The following CACNA1B variants were observed in gnomAD, a reference collection of about 807,000 sequenced individuals.
CACNA1B encodes the protein calcium voltage-gated channel subunit alpha1 B.
A neutral mutation model predicts 247.2 loss-of-function variants in CACNA1B; 70 were observed. The observed-to-expected ratio is 0.28, with a 90% confidence interval of 0.23 to 0.35. The LOEUF (loss-of-function observed/expected upper bound fraction) is 0.35. Ranked by LOEUF, CACNA1B falls within the 10% of genes least tolerant of loss-of-function variation. CACNA1B has a pLI of 1.00. For missense variants in CACNA1B, 2,367 were observed against 3,197.4 expected (o/e 0.74, Z 6.26); for synonymous variants, 1,231 against 1,294.4 (o/e 0.95, Z 1.05).
intron 6 of CACNA1B, among the ~76,000 whole-genome samples, chr9:137,921,074 C>G (rs964189157): frequency 1.3e-5 from 2 of 151,912 alleles, no homozygotes; most frequent in African/African-American, 4.8e-5. Flanking sequence ...GTACTTGACT[C>G]ATGGACAGTG....
intron 20 of CACNA1B, among the ~76,000 whole-genome samples, chr9:138,035,794 A>G (rs1959035364): frequency 6.6e-6 from 1 of 152,156 alleles, no homozygotes; most frequent in Admixed American, 6.5e-5. Flanking sequence ...CCAATTTATT[A>G]GTTGGATACT....
chr9:138,113,006 G>A (rs1032031944), intron 40 of CACNA1B, among the ~76,000 whole-genome samples: 3 of 150,302 alleles, frequency 2.0e-5, no homozygotes, highest in African/African-American at 7.4e-5. Context: ...AGACGTGAGG[G>A]AGCGCAGAGA....
intron 35 of CACNA1B, 116 bp downstream of exon 35, chr9:138,076,026 C>T: frequency 2.9e-6 from 2 of 691,054 alleles, no homozygotes; most frequent in Non-Finnish European, 5.2e-6. Context: ...ATTCCCCGAC[C>T]CCACTGGCTT....
At chr9:137,998,351 C>G (rs1485467770) in intron 15 of CACNA1B, among the ~76,000 whole-genome samples, 1 of 152,174 alleles carries the variant, frequency 6.6e-6, no homozygotes, top group Non-Finnish European at 1.5e-5. Context: ...TGGCTCATGC[C>G]TGTAATCCCA....
Position 137,892,100 on chromosome 9 carries a change from C to T in CACNA1B, c.530+9217C>T, listed in dbSNP as rs746157930. The T allele has an allele frequency of 1.3e-4, 60 of 457,040 alleles. No homozygotes were observed. The East Asian group carries it at 1.7e-3, about 13-fold the overall frequency. The allele number at this position is 457,040 out of a possible 1,614,324, so 28.3% of individuals were successfully genotyped here. A position where few individuals can be genotyped will look rare whatever the true frequency, so the allele number is the denominator to read the frequency against. On this transcript the variant is annotated intron_variant, in intron 3 of 46. Coordinates refer to ENST00000371372, the MANE Select transcript of CACNA1B (RefSeq NM_000718.4). ...GCCTCTCTTTGCCCTCCTCCCTCCC[C>T]GAGAAGTTTCCCTGCTGGCTCACCA...
intron 12 of CACNA1B, among the ~76,000 whole-genome samples, chr9:137,978,180 G>A (rs1298253077): frequency 1.4e-5 from 2 of 145,288 alleles, no homozygotes; most frequent in Non-Finnish European, 3.0e-5. Flanking sequence ...GGAGTGACAG[G>A]TGGGAGCATT....
rs150908419 is a variant in CACNA1B, at chr9:137,952,103, G to A, written c.967-171G>A. Among the ~76,000 whole-genome samples the A allele has an allele frequency of 1.4e-3, 215 of 152,258 alleles. 2 individuals carry two copies. Among genetic ancestry groups the A allele is most frequent in the African/African-American group, 5.0e-3 (207 of 41,544 alleles). On this transcript the variant is annotated intron_variant, in intron 6 of 46. Coordinates refer to ENST00000371372, the MANE Select transcript of CACNA1B (RefSeq NM_000718.4). This position sits in a 1 kb window ranked among gnomAD's most constrained non-coding sequence, Gnocchi z 4.8. ...AAGGGCACGTCTGCCTGTGGGTGCT[G>A]CCTGGACTCCAGCCCCATGCTTGGA...
Position 137,952,220 on chromosome 9 carries a change from G to A in CACNA1B, c.967-54G>A, listed in dbSNP as rs1957885310. On this transcript the variant is annotated intron_variant, in intron 6 of 46. Transcript: ENST00000371372. The surrounding 1 kb of genome is among the most constrained non-coding windows in gnomAD (Gnocchi z 4.8). Reference sequence around the variant, plus strand: ...GTTGGGGGCTGGGGGTGCTCCTGTGGCCGGGACTGTGTTTTGTCCCTGTCC... The same window carrying A: ...GTTGGGGGCTGGGGGTGCTCCTGTGACCGGGACTGTGTTTTGTCCCTGTCC... 2 of 1,438,766 alleles carry A rather than the reference G, an allele frequency of 1.4e-6. No individual in the cohort carries two copies. Among genetic ancestry groups the A allele is most frequent in the Admixed American group, 1.7e-5 (1 of 59,410 alleles). 89.1% of individuals were successfully genotyped at this position (1,438,766 alleles called of 1,614,324 possible). A position where few individuals can be genotyped will look rare whatever the true frequency, so the allele number is the denominator to read the frequency against.
At chr9:138,064,744 C>T (rs563191530) in intron 31 of CACNA1B, among the ~76,000 whole-genome samples, 14 of 152,214 alleles carry the variant, frequency 9.2e-5, no homozygotes, top group Non-Finnish European at 2.1e-4. Context: ...GGAAGGGAGC[C>T]AGCCTCATGT....
At chr9:137,960,538 G>A (rs1022064978) in intron 10 of CACNA1B, among the ~76,000 whole-genome samples, 2 of 150,584 alleles carry the variant, frequency 1.3e-5, no homozygotes, top group Admixed American at 6.6e-5. Flanking sequence ...CCAGGGGAGA[G>A]AGGGGAGGTC....
rs1364745975 is a variant in CACNA1B, at chr9:137,971,977, A to C, written c.1543+385A>C. On this transcript the variant is annotated intron_variant, in intron 11 of 46. Coordinates refer to ENST00000371372, the MANE Select transcript of CACNA1B (RefSeq NM_000718.4). This position sits in a 1 kb window ranked among gnomAD's most constrained non-coding sequence, Gnocchi z 4.4. ...CTTCAGACCCACAGACAGGGGACTT[A>C]GCCCCACGCTCCTTTCCACCACGTG... 6.6e-6 allele frequency among the ~76,000 whole-genome samples: 1 copy of C among 152,038 alleles called. No individual in the cohort carries two copies. The highest frequency in any genetic ancestry group is 1.5e-5 in the Non-Finnish European group (1 of 67,994).
chr9:138,116,084 C>T (rs1406482085), intron 42 of CACNA1B, among the ~76,000 whole-genome samples: 1 of 152,236 alleles, frequency 6.6e-6, no homozygotes, highest in African/African-American at 2.4e-5. Context: ...CCAACACACG[C>T]ACCTGCTTCC....
Position 138,023,807 on chromosome 9 carries a change from C to A in CACNA1B, c.3064C>A (p.Pro1022Thr), listed in dbSNP as rs1008507936. ...DKEKELRNHQ[P>T]REPHCDLETS... ...GGAAAAGGAGCTCCGGAACCACCAG[C>A]CCCGGTGAGTCCGCGGCTGGGCGGG... The change falls in exon 19 of 47, where the codon CCC (proline) becomes ACC (threonine). Residue 1022 changes from proline to threonine, a missense_variant. By Grantham distance (38) the Pro-to-Thr change is conservative (BLOSUM62 -1). Coordinates refer to ENST00000371372, the MANE Select transcript of CACNA1B (RefSeq NM_000718.4). 3.9e-5 allele frequency: 53 copies of A among 1,363,438 alleles called. No individual in the cohort carries two copies. The highest frequency in any genetic ancestry group is 4.8e-5 in the Non-Finnish European group (47 of 977,516). The allele number at this position is 1,363,438 out of a possible 1,614,324, so 84.5% of individuals were successfully genotyped here. A position where few individuals can be genotyped will look rare whatever the true frequency, so the allele number is the denominator to read the frequency against.
rs560004086 is a variant in CACNA1B, at chr9:138,069,820, C to T, written c.4674+57C>T. The T allele has an allele frequency of 5.3e-6, 8 of 1,515,442 alleles. No homozygotes were observed. In the South Asian group the frequency reaches 9.1e-5, roughly 17 times the overall value. The allele number at this position is 1,515,442 out of a possible 1,614,324, so 93.9% of individuals were successfully genotyped here. On this transcript the variant is annotated intron_variant, in intron 32 of 46. Coordinates refer to ENST00000371372, the MANE Select transcript of CACNA1B (RefSeq NM_000718.4). Reference sequence around the variant, plus strand: ...AGTCCTTGCTTTGCTCGCTCTGCTCCTCTCCTGCTCTCTGGTTCCTGGGAC... The same window carrying T: ...AGTCCTTGCTTTGCTCGCTCTGCTCTTCTCCTGCTCTCTGGTTCCTGGGAC...
intron 20 of CACNA1B, among the ~76,000 whole-genome samples, chr9:138,041,162 G>A (rs1301516267): frequency 6.6e-6 from 1 of 152,172 alleles, no homozygotes; most frequent in East Asian, 1.9e-4. Context: ...CTGAGGTGCT[G>A]CCAGTCCAGG....
rs4876892 is a variant in CACNA1B at position 137,884,966 on chromosome 9, C to A, written c.530+2083C>A. ...CCCTCCTCTCCCCTCTTCCCCCCCC[C>A]CCTCCTCCCACTTTGCCTGTCTAGC... On this transcript the variant is annotated intron_variant, in intron 3 of 46. Coordinates refer to ENST00000371372, the MANE Select transcript of CACNA1B (RefSeq NM_000718.4). Among the ~76,000 whole-genome samples the A allele has an allele frequency of 9.3e-5, 10 of 107,726 alleles. 1 individual carries two copies. The highest frequency in any genetic ancestry group is 2.4e-4 in the East Asian group (1 of 4,190). The allele number at this position is 107,726 out of a possible 152,430, so 70.7% of individuals were successfully genotyped here.
In CACNA1B at chr9:138,007,533, C is replaced by T. The variant is rs1958668578; in HGVS notation, c.2092+649C>T. ...GCAGTGTGAGTGGGTCCCCCTGTAG[C>T]TGGGGTGGGAAGTTCAGGCCTAGAA... On this transcript the variant is annotated intron_variant, in intron 16 of 46. Coordinates refer to ENST00000371372, the MANE Select transcript of CACNA1B (RefSeq NM_000718.4). This position sits in a 1 kb window ranked among gnomAD's most constrained non-coding sequence, Gnocchi z 4.1. Among the ~76,000 whole-genome samples the T allele has an allele frequency of 1.3e-5, 2 of 152,132 alleles. No individual in the cohort carries two copies. The highest frequency in any genetic ancestry group is 1.3e-4 in the Admixed American group (2 of 15,274).
chr9:137,954,350 C>T lies in CACNA1B; in HGVS notation c.1071-1348C>T, dbSNP rs1166122258. On this transcript the variant is annotated intron_variant, in intron 7 of 46. Coordinates refer to ENST00000371372, the MANE Select transcript of CACNA1B (RefSeq NM_000718.4). This position sits in a 1 kb window ranked among gnomAD's most constrained non-coding sequence, Gnocchi z 4.1. The stretch of plus-strand genomic sequence containing the variant: ...AATTCGGCATCTCTCTCTCCATTCC[C>T]AGAGCTCCCATCCTCACAGCATCCC... 6.6e-6 allele frequency among the ~76,000 whole-genome samples: 1 copy of T among 152,226 alleles called. No individual in the cohort carries two copies. The highest frequency in any genetic ancestry group is 1.9e-4 in the East Asian group (1 of 5,188).
At chr9:138,038,062 CTTTA>C (rs1448419846) in intron 20 of CACNA1B, among the ~76,000 whole-genome samples, 2 of 152,164 alleles carry the variant, frequency 1.3e-5, no homozygotes, top group South Asian at 4.1e-4. Flanking sequence ...CATTCTGTCC[CTTTA>C]TTTATAAGTT....
Sources: gnomAD v4.1 joint callset for allele counts (sites outside exome capture counted in the v4.1 genomes callset) on GRCh38, gnomAD v4.1.1 for gene constraint, Gnocchi (gnomAD v3.1) non-coding constraint, MANE v1.5 for transcripts, NCBI Gene and HGNC (gene_info 2026-07-23, HGNC 2026-07-21) for gene names.